The following CCDC171 variants were observed in gnomAD, a reference collection of about 807,000 sequenced individuals.
CCDC171 encodes the protein coiled-coil domain containing 171, also known as coiled-coil domain-containing protein 171.
CCDC171 carries 177 observed loss-of-function variants against 168.2 expected under a neutral mutation model. The observed-to-expected ratio is 1.05, with a 90% CI of 0.93 to 1.19. CCDC171 has a LOEUF of 1.19. Ranked by LOEUF, CCDC171 falls within the 50% of genes most tolerant of loss-of-function variation. The pLI, the probability that CCDC171 is intolerant of heterozygous loss-of-function variation, is 0.00. For missense variants in CCDC171, 1,991 were observed against 1,539.0 expected, an observed-to-expected ratio of 1.29 and a Z score of -4.91; for synonymous variants, 687 against 540.8, an observed-to-expected ratio of 1.27 and a Z score of -3.75.
At position 15,848,924 on chromosome 9, in the gene CCDC171, G is replaced by A. The variant is rs1374960265; in HGVS notation, c.3445G>A (p.Ala1149Thr). The change falls in exon 23 of 26, where the codon GCA (alanine) becomes ACA (threonine). Residue 1149 changes from alanine to threonine, a missense_variant. Physicochemically the swap from Ala to Thr is moderately conservative, Grantham distance 58. Transcript: ENST00000380701. ...AGAATGTGTTGCTAATCACATGAGA[G>A]CAGTAGAAAATACGCTTCACAAGGT... is the stretch of plus-strand genomic sequence containing the variant. Reference protein sequence around the residue: ...DKECVANHMRAVENTLHKVRD... With the variant: ...DKECVANHMRTVENTLHKVRD... 30 of 1,567,500 alleles carry A rather than the reference G, an allele frequency of 1.9e-5. No homozygotes were observed. The highest frequency in any genetic ancestry group is 2.5e-5 in the Non-Finnish European group (29 of 1,155,140).
chr9:16,087,349 T>C, the CCDC171 span, among the ~76,000 whole-genome samples: 5 of 152,112 alleles, frequency 3.3e-5, no homozygotes, highest in Non-Finnish European at 5.9e-5. Flanking sequence ...CTCCCACTAT[T>C]ATTGTGTGGG....
At chr9:15,736,378 C>G (rs1192038276) in intron 16 of CCDC171, among the ~76,000 whole-genome samples, 1 of 151,378 alleles carries the variant, frequency 6.6e-6, no homozygotes, top group African/African-American at 2.4e-5. Context: ...GGAGCTAGTA[C>G]CTCACTACAT....
At chr9:15,591,227 G>C (rs1331711331) in intron 4 of CCDC171, 139 bp from the exon 5 acceptor site, 2 of 548,298 alleles carry the variant, frequency 3.6e-6, no homozygotes, top group Non-Finnish European at 6.4e-6. Flanking sequence ...AGGTTTTCAA[G>C]AGTTTACTGT....
intron 3 of CCDC171, among the ~76,000 whole-genome samples, chr9:16,001,398 A>ATGTG (rs138065892): frequency 1.4e-4 from 21 of 150,052 alleles, no homozygotes; most frequent in East Asian, 1.2e-3. Flanking sequence ...TCTCATATGT[A>ATGTG]TGTGTGTGTG....
At chr9:16,084,351 T>A in the CCDC171 span, among the ~76,000 whole-genome samples, 3 of 152,190 alleles carry the variant, frequency 2.0e-5, no homozygotes, top group Non-Finnish European at 4.4e-5. Context: ...TCTAGGGCTG[T>A]GTAACTTGCT....
intron 25 of CCDC171, among the ~76,000 whole-genome samples, chr9:15,951,354 A>ATGGTG (rs1829143208): frequency 6.6e-6 from 1 of 152,012 alleles, no homozygotes; most frequent in African/African-American, 2.4e-5. Flanking sequence ...CCTATTCCAA[A>ATGGTG]ATTGACCACA....
rs527592822 is a variant in CCDC171 at position 15,778,643 on chromosome 9, CAAAA to C, written c.2899-306_2899-303del. Among the ~76,000 whole-genome samples the C allele has an allele frequency of 1.0e-4, 6 of 58,770 alleles. 1 individual carries two copies. Among genetic ancestry groups the C allele is most frequent in the Non-Finnish European group, 2.9e-5 (1 of 34,534 alleles). 38.6% of individuals were successfully genotyped at this position (58,770 alleles called of 152,430 possible). On this transcript the variant is annotated intron_variant, in intron 19 of 25. Transcript: ENST00000380701. ...CCTGGCCTACAGAGTAAGACTGTCT[CAAAA>C]AAAAAAAAAAAAAAAAAAGGCATGA... is the stretch of plus-strand genomic sequence containing the variant.
intron 9 of CCDC171, among the ~76,000 whole-genome samples, chr9:15,673,218 C>T (rs1422892745): frequency 6.6e-6 from 1 of 152,210 alleles, no homozygotes; most frequent in Non-Finnish European, 1.5e-5. Flanking sequence ...TGAGACTTTG[C>T]TGAAGTAGCT....
At chr9:15,948,308 C>A (rs1200907776) in intron 25 of CCDC171, among the ~76,000 whole-genome samples, 1 of 145,024 alleles carries the variant, frequency 6.9e-6, no homozygotes, top group East Asian at 2.2e-4. Context: ...GTCTTTATAG[C>A]AGCATGATTT....
intron 21 of CCDC171, among the ~76,000 whole-genome samples, chr9:15,841,192 CTCT>C (rs1361165681): frequency 6.6e-6 from 1 of 151,988 alleles, no homozygotes; most frequent in Non-Finnish European, 1.5e-5. Flanking sequence ...GTATTTTACA[CTCT>C]TCTTTGTTAA....
chr9:15,909,956 C>G (rs1823365458), intron 24 of CCDC171, among the ~76,000 whole-genome samples: 1 of 152,070 alleles, frequency 6.6e-6, no homozygotes, highest in African/African-American at 2.4e-5. Context: ...TCCTGACCAC[C>G]CTCTCACCTT....
chr9:15,715,217 G>A (rs4741534), intron 11 of CCDC171, among the ~76,000 whole-genome samples: 74,414 of 152,038 alleles, frequency 0.49, 18,632 homozygotes, highest in East Asian at 0.78. Flanking sequence ...CCCAAGAGAC[G>A]TAGTTAGAGA....
chr9:15,834,825 C>T (rs537439216), intron 21 of CCDC171, among the ~76,000 whole-genome samples: 15 of 152,312 alleles, frequency 9.8e-5, no homozygotes, highest in African/African-American at 3.6e-4. Flanking sequence ...CAAGGAAAAT[C>T]ACTATGATAG....
intron 6 of CCDC171, among the ~76,000 whole-genome samples, chr9:15,622,692 A>T (rs1471409193): frequency 6.6e-6 from 1 of 152,218 alleles, no homozygotes; most frequent in African/African-American, 2.4e-5. Flanking sequence ...AAGGGGATTG[A>T]GAGATTTTAG....
In CCDC171 at chr9:15,971,884, T is replaced by G. The variant is rs1186576523; in HGVS notation, c.*48T>G. Reference sequence around the variant, plus strand: ...GGAAGAGTTAACAGTACAATTAAAATTGTTTTGAATGGGAATTTTCTTATC... The same window carrying G: ...GGAAGAGTTAACAGTACAATTAAAAGTGTTTTGAATGGGAATTTTCTTATC... On this transcript the variant is annotated 3_prime_UTR_variant, in exon 26 of 26. Coordinates refer to ENST00000380701, the MANE Select transcript of CCDC171 (RefSeq NM_173550.4). The G allele has an allele frequency of 6.8e-7, 1 of 1,477,440 alleles. No homozygotes were observed. The highest frequency in any genetic ancestry group is 1.2e-5 in the South Asian group (1 of 85,106). The allele number at this position is 1,477,440 out of a possible 1,614,324, so 91.5% of individuals were successfully genotyped here. A position where few individuals can be genotyped will look rare whatever the true frequency, so the allele number is the denominator to read the frequency against.
chr9:15,655,504 TCTTGA>T (rs1376701044), intron 7 of CCDC171, among the ~76,000 whole-genome samples: 3 of 152,192 alleles, frequency 2.0e-5, no homozygotes, highest in Non-Finnish European at 4.4e-5. Flanking sequence ...AAAATAAAGA[TCTTGA>T]CTTCTGCTTC....
At chr9:15,600,575 CG>C (rs1430090911) in intron 6 of CCDC171, among the ~76,000 whole-genome samples, 1 of 152,172 alleles carries the variant, frequency 6.6e-6, no homozygotes, top group Non-Finnish European at 1.5e-5. Context: ...TTAGGCTACT[CG>C]GGGGTCCGGG....
intron 24 of CCDC171, among the ~76,000 whole-genome samples, chr9:15,887,118 C>A (rs1045219867): frequency 6.6e-6 from 1 of 151,824 alleles, no homozygotes; most frequent in Non-Finnish European, 1.5e-5. Context: ...GTATTCTCAC[C>A]ACATACACAA....
Position 15,846,759 on chromosome 9 carries a change from A to G in CCDC171, c.3325A>G (p.Asn1109Asp), listed in dbSNP as rs1250602519. 4.3e-6 allele frequency: 7 copies of G among 1,612,980 alleles called. No homozygotes were observed. Among genetic ancestry groups the G allele is most frequent in the Non-Finnish European group, 4.2e-6 (5 of 1,179,444 alleles). The change falls in exon 22 of 26, where the codon AAT (asparagine) becomes GAT (aspartate). Residue 1109 changes from asparagine to aspartate, a missense_variant. Transcript: ENST00000380701. ...RRKDQSLRQL[N>D]RHLTQLEQDK... is the part of the protein sequence containing the mutation. ...AAAAGATCAATCTCTGCGTCAGCTCAATAGACATCTTACCCAGCTGGAGCA... is the reference window on the plus strand; with the variant it reads ...AAAAGATCAATCTCTGCGTCAGCTCGATAGACATCTTACCCAGCTGGAGCA...
Sources: gnomAD v4.1 joint callset for allele counts (sites outside exome capture counted in the v4.1 genomes callset) on GRCh38, gnomAD v4.1.1 for gene constraint, MANE v1.5 for transcripts, NCBI Gene and HGNC (gene_info 2026-07-23, HGNC 2026-07-21) for gene names.